ATPAF1: variants seen among roughly 807,000 people sequenced by gnomAD.
ATPAF1 encodes the protein homolog of yeast ATP11.
A neutral mutation model predicts 43.9 loss-of-function variants in ATPAF1; 26 were observed. That is an observed-to-expected ratio of 0.59 (90% confidence interval 0.43 to 0.82). The LOEUF is 0.82. Among genes scored for constraint, ATPAF1 ranks in the 40% least tolerant of loss-of-function variants. The pLI, the probability that ATPAF1 is intolerant of heterozygous loss-of-function variation, is 0.00. For missense variants in ATPAF1, 366 were observed against 435.0 expected, an observed-to-expected ratio of 0.84 and a Z score of 1.41; for synonymous variants, 157 against 168.0, an observed-to-expected ratio of 0.93 and a Z score of 0.50.
At chr1:46,662,732 T>C (rs1298546459) in intron 2 of ATPAF1, among the ~76,000 whole-genome samples, 1 of 152,182 alleles carries the variant, frequency 6.6e-6, no homozygotes, top group African/African-American at 2.4e-5. Flanking sequence ...TGGCAACCCA[T>C]TTACTATTAA....
intron 4 of ATPAF1, among the ~76,000 whole-genome samples, chr1:46,656,863 C>T (rs1340391068): frequency 1.3e-5 from 2 of 152,178 alleles, no homozygotes; most frequent in Admixed American, 6.5e-5. Flanking sequence ...TGATCTGATC[C>T]GTTTTGCGGA....
At chr1:46,655,136 A>G (rs1332950975) in intron 4 of ATPAF1, among the ~76,000 whole-genome samples, 3 of 152,190 alleles carry the variant, frequency 2.0e-5, no homozygotes, top group Admixed American at 1.3e-4. Flanking sequence ...TCATGGGAAC[A>G]GCATGGAGGT....
intron 6 of ATPAF1, among the ~76,000 whole-genome samples, chr1:46,650,532 A>G (rs1278964764): frequency 3.3e-5 from 5 of 152,212 alleles, no homozygotes; most frequent in Admixed American, 1.3e-4. Context: ...TATATATCCA[A>G]AGGAAAGGAA....
chr1:46,635,979 T>C lies in ATPAF1; in HGVS notation c.793-9A>G, dbSNP rs1359338354. ...TGTGCCTCAGCAACATTCTGTAAGG[T>C]AAAAAGAATAATGAGGTCCTTTCTT... On this transcript the variant is annotated splice_polypyrimidine_tract_variant and intron_variant, in intron 8 of 8. Transcript: ENST00000574428. 2 of 1,613,656 alleles carry C rather than the reference T, an allele frequency of 1.2e-6. No homozygotes were observed. The highest frequency in any genetic ancestry group is 1.7e-6 in the Non-Finnish European group (2 of 1,179,816).
chr1:46,654,848 T>C (rs1449500281), intron 4 of ATPAF1, among the ~76,000 whole-genome samples: 1 of 152,144 alleles, frequency 6.6e-6, no homozygotes, highest in South Asian at 2.1e-4. Flanking sequence ...GCTTCATCCA[T>C]GTCCCTGCAA....
chr1:46,666,474 A>G (rs1050887128), intron 1 of ATPAF1: 1 of 152,300 alleles, frequency 6.6e-6, no homozygotes, highest in Non-Finnish European at 1.5e-5. Flanking sequence ...GGATCTGAGG[A>G]TATAGAAATA....
chr1:46,650,083 T>C (rs1459911719), intron 6 of ATPAF1, among the ~76,000 whole-genome samples: 2 of 152,190 alleles, frequency 1.3e-5, no homozygotes, highest in Non-Finnish European at 2.9e-5. Context: ...AGTTAGCTGG[T>C]CCACCCCACC....
intron 6 of ATPAF1, among the ~76,000 whole-genome samples, chr1:46,650,602 C>T (rs115580363): frequency 0.014 from 2,139 of 151,900 alleles, 51 homozygotes; most frequent in African/African-American, 0.049. Context: ...TTCACAATAG[C>T]GAAGATATGG....
At chr1:46,659,916 C>T (rs562692333) in intron 2 of ATPAF1, among the ~76,000 whole-genome samples, 1 of 152,198 alleles carries the variant, frequency 6.6e-6, no homozygotes, top group African/African-American at 2.4e-5. Flanking sequence ...GACAACATCC[C>T]AGTGTAGCCG....
intron 6 of ATPAF1, 103 bp downstream of exon 6, chr1:46,652,478 G>A: frequency 8.7e-7 from 1 of 1,144,448 alleles, no homozygotes; most frequent in Non-Finnish European, 1.3e-6. Flanking sequence ...AGTAAACAGA[G>A]CACTATAACA....
intron 1 of ATPAF1, 129 bp downstream of exon 1, chr1:46,667,928 G>T: frequency 2.7e-6 from 2 of 729,066 alleles, no homozygotes; most frequent in Non-Finnish European, 3.8e-6. Flanking sequence ...GCCTCGCGGA[G>T]CCTGGCTACA....
At chr1:46,667,520 C>T (rs1676511163) in intron 1 of ATPAF1, among the ~76,000 whole-genome samples, 1 of 152,146 alleles carries the variant, frequency 6.6e-6, no homozygotes, top group South Asian at 2.1e-4. Flanking sequence ...TGACCTTTGG[C>T]AAGTCTCTTA....
chr1:46,656,137 C>A (rs1018729497), intron 4 of ATPAF1, among the ~76,000 whole-genome samples: 1 of 152,146 alleles, frequency 6.6e-6, no homozygotes, highest in African/African-American at 2.4e-5. Flanking sequence ...GAACTGTATC[C>A]TGAAGAATGA....
At chr1:46,659,381 G>C (rs1269564361) in intron 2 of ATPAF1, among the ~76,000 whole-genome samples, 1 of 152,104 alleles carries the variant, frequency 6.6e-6, no homozygotes, top group Non-Finnish European at 1.5e-5. Flanking sequence ...AATTAGGCCT[G>C]CTTGGGATTA....
Position 46,668,310 on chromosome 1 carries a change from C to T in ATPAF1, c.13G>A (p.Val5Met). The change falls in exon 1 of 9, where the codon GTG becomes ATG. Residue 5 changes from valine to methionine, a missense_variant. Val to Met is a conservative substitution (Grantham distance 21, BLOSUM62 1). Around this residue, in one of 2 missense-constraint regions of ATPAF1, gnomAD observed 186 missense variants for 168.5 expected, o/e 1.10. Transcript: ENST00000574428. This position sits in a 1 kb window ranked among gnomAD's most constrained non-coding sequence, Gnocchi z 4.4. ...CCCGCGCCACCCGCAGCCGCCACCA[C>T]CACAGCAGCCATGGCCGCCCCCGCC... The T allele has an allele frequency of 7.3e-7, 1 of 1,375,498 alleles. No individual in the cohort carries two copies. The highest frequency in any genetic ancestry group is 9.4e-7 in the Non-Finnish European group (1 of 1,059,722). The allele number at this position is 1,375,498 out of a possible 1,614,324, so 85.2% of individuals were successfully genotyped here.
downstream of ATPAF1, chr1:46,633,610 C>T (rs553916817): frequency 7.4e-6 from 3 of 407,540 alleles, no homozygotes; most frequent in Non-Finnish European, 1.4e-5. Context: ...TTTGCCAGAT[C>T]TTTCTAGGTA....
chr1:46,648,633 C>A (rs1676101564), intron 6 of ATPAF1, among the ~76,000 whole-genome samples: 1 of 152,130 alleles, frequency 6.6e-6, no homozygotes, highest in Non-Finnish European at 1.5e-5. Flanking sequence ...CTTATGACAT[C>A]TTTGCCAAAC....
chr1:46,639,052 C>G (rs574590246), intron 8 of ATPAF1, among the ~76,000 whole-genome samples: 8 of 152,272 alleles, frequency 5.3e-5, no homozygotes, highest in Admixed American at 1.3e-4. Context: ...ATCATACTGA[C>G]TAGACTTGAA....
At chr1:46,635,447 T>C (rs1409659985) in exon 9 of ATPAF1, 1 of 248,668 alleles carries the variant, frequency 4.0e-6, no homozygotes, top group African/African-American at 2.2e-5. Flanking sequence ...AGCTATAAGG[T>C]CAAAGTGGCC....
Sources: gnomAD v4.1 joint callset for allele counts (sites outside exome capture counted in the v4.1 genomes callset) on GRCh38, gnomAD v4.1.1 for gene constraint, gnomAD v4.1.1 regional missense constraint, Gnocchi (gnomAD v3.1) non-coding constraint, MANE v1.5 for transcripts, NCBI Gene and HGNC (gene_info 2026-07-23, HGNC 2026-07-21) for gene names.